The following COL15A1 variants were observed in gnomAD, a reference collection of about 807,000 sequenced individuals.
The protein encoded by COL15A1 is collagen alpha-1(XV) chain.
Under a neutral mutation model 165.9 loss-of-function variants are expected in COL15A1, and 111 were observed. The ratio of observed to expected loss-of-function variants is 0.67; its 90% CI spans 0.57 to 0.78. The LOEUF (loss-of-function observed/expected upper bound fraction) is 0.78. Among genes scored for constraint, COL15A1 ranks in the 30% least tolerant of loss-of-function variants. COL15A1 has a pLI of 0.00. For missense variants in COL15A1, 1,745 were observed against 1,789.7 expected (o/e 0.98, Z 0.45); for synonymous variants, 659 against 674.8 (o/e 0.98, Z 0.36).
chr9:99,020,653 C>T lies in COL15A1; in HGVS notation c.1701+211C>T, dbSNP rs372683015. 3.3e-5 allele frequency among the ~76,000 whole-genome samples: 5 copies of T among 152,320 alleles called. No homozygotes were observed. In the East Asian group the frequency reaches 7.7e-4, roughly 24 times the overall value. ...GAGTCTCTTCTCACCACCTGGTGAC[C>T]GTGGCCAAGTCCCTTGACCTCCGTG... is the stretch of plus-strand genomic sequence containing the variant. On this transcript the variant is annotated intron_variant, in intron 12 of 41. Transcript: ENST00000375001.
intron 16 of COL15A1, 131 bp from the exon 17 acceptor site, chr9:99,034,418 C>A (rs1839259680): frequency 3.6e-6 from 5 of 1,407,696 alleles, no homozygotes; most frequent in Non-Finnish European, 3.8e-6. Flanking sequence ...TTTGGAGACA[C>A]CAATCTGAGA....
intron 16 of COL15A1, among the ~76,000 whole-genome samples, chr9:99,033,885 C>G (rs533122058): frequency 6.6e-6 from 1 of 152,144 alleles, no homozygotes; most frequent in African/African-American, 2.4e-5. Flanking sequence ...GTCCTCATTG[C>G]TGACCACTCC....
At chr9:98,978,006 G>T (rs1415462494) in intron 2 of COL15A1, among the ~76,000 whole-genome samples, 2 of 152,200 alleles carry the variant, frequency 1.3e-5, no homozygotes, top group Admixed American at 1.3e-4. Context: ...GACCTGGAGT[G>T]GTCGGGGCTG....
chr9:99,068,540 A>G lies in COL15A1; in HGVS notation c.3838-15A>G, dbSNP rs1438487087. 4.9e-6 allele frequency: 6 copies of G among 1,227,216 alleles called. 1 individual carries two copies. Among genetic ancestry groups the G allele is most frequent in the Non-Finnish European group, 6.7e-6 (6 of 896,210 alleles). 76.0% of individuals were successfully genotyped at this position (1,227,216 alleles called of 1,614,324 possible). ...GATGGTATAATGATTCTAATGTGGT[A>G]TTTTGTCTCTATAGGGCCAAGTACT... On this transcript the variant is annotated splice_polypyrimidine_tract_variant and intron_variant, in intron 40 of 41. Transcript: ENST00000375001.
chr9:99,050,250 G>A (rs1406783285), intron 30 of COL15A1, among the ~76,000 whole-genome samples: 1 of 152,200 alleles, frequency 6.6e-6, no homozygotes, highest in East Asian at 1.9e-4. Context: ...GCCAACCCAT[G>A]ATCTTTGCAT....
chr9:99,050,017 C>A (rs1839559544), intron 30 of COL15A1, 122 bp downstream of exon 30: 2 of 1,371,654 alleles, frequency 1.5e-6, no homozygotes, highest in East Asian at 2.3e-5. Flanking sequence ...TCTTCTGTCC[C>A]CTAAGTGTAG....
At chr9:99,005,193 T>A (rs1838738174) in intron 9 of COL15A1, 143 bp downstream of exon 9, 1 of 873,324 alleles carries the variant, frequency 1.1e-6, no homozygotes, top group African/African-American at 1.7e-5. Flanking sequence ...GGGGGTGGAG[T>A]TTGCCAAGGC....
intron 6 of COL15A1, among the ~76,000 whole-genome samples, chr9:99,000,414 A>G (rs1008343871): frequency 1.3e-5 from 2 of 152,042 alleles, no homozygotes; most frequent in African/African-American, 2.4e-5. Context: ...ATGATACGAT[A>G]TCTATACTCA....
intron 6 of COL15A1, among the ~76,000 whole-genome samples, chr9:98,998,763 C>T (rs983214780): frequency 1.3e-5 from 2 of 152,208 alleles, no homozygotes; most frequent in Non-Finnish European, 2.9e-5. Context: ...GGGGACTGGG[C>T]TCTGATCCCA....
At chr9:98,999,500 C>T (rs1465890862) in intron 6 of COL15A1, among the ~76,000 whole-genome samples, 1 of 151,536 alleles carries the variant, frequency 6.6e-6, no homozygotes, top group Non-Finnish European at 1.5e-5. Context: ...CATGGTAGTA[C>T]AACTTCTTTT....
intron 2 of COL15A1, among the ~76,000 whole-genome samples, chr9:98,959,825 G>A (rs1837838625): frequency 6.6e-6 from 1 of 152,092 alleles, no homozygotes; most frequent in Non-Finnish European, 1.5e-5. Flanking sequence ...CACATCCCCT[G>A]TCAAAACGCT....
chr9:98,969,387 C>T (rs960851259), intron 2 of COL15A1, among the ~76,000 whole-genome samples: 11 of 152,224 alleles, frequency 7.2e-5, no homozygotes, highest in Admixed American at 6.5e-4. Flanking sequence ...GAAACTCTGG[C>T]TCAGAGAAGT....
At chr9:98,950,262 C>T (rs925729153) in intron 2 of COL15A1, among the ~76,000 whole-genome samples, 4 of 152,180 alleles carry the variant, frequency 2.6e-5, no homozygotes, top group Non-Finnish European at 5.9e-5. Context: ...AACCCCCAAA[C>T]TGTTTTCCAC....
chr9:99,021,403 T>A (rs1459305719), intron 12 of COL15A1, among the ~76,000 whole-genome samples: 2 of 152,192 alleles, frequency 1.3e-5, no homozygotes, highest in African/African-American at 4.8e-5. Context: ...TTGGGGACTT[T>A]ACTGTGGACA....
chr9:99,037,933 A>C (rs537584807), intron 21 of COL15A1, among the ~76,000 whole-genome samples: 59 of 152,272 alleles, frequency 3.9e-4, no homozygotes, highest in African/African-American at 1.3e-3. Flanking sequence ...GTGTGTGTAG[A>C]GAATGATGGA....
At chr9:99,022,533 C>T (rs961656978) in intron 13 of COL15A1, among the ~76,000 whole-genome samples, 31 of 152,136 alleles carry the variant, frequency 2.0e-4, no homozygotes, top group African/African-American at 7.0e-4. Flanking sequence ...GTCCCCATGT[C>T]CCCCTGAGTC....
At chr9:99,012,248 T>G (rs922582215) in intron 9 of COL15A1, among the ~76,000 whole-genome samples, 8 of 152,258 alleles carry the variant, frequency 5.3e-5, no homozygotes, top group African/African-American at 1.9e-4. Context: ...GAGTACTCTT[T>G]AAGCCATTGT....
At chr9:99,061,840 G>A in intron 36 of COL15A1, 131 bp from the exon 37 acceptor site, 2 of 900,080 alleles carry the variant, frequency 2.2e-6, no homozygotes, top group Non-Finnish European at 3.4e-6. Context: ...CCTCTATCTG[G>A]CACATTAACA....
intron 35 of COL15A1, among the ~76,000 whole-genome samples, chr9:99,058,311 A>C (rs140918762): frequency 1.7e-4 from 26 of 152,362 alleles, no homozygotes; most frequent in Admixed American, 1.7e-3. Flanking sequence ...ACCTATGACC[A>C]GGAGGTCGGA....
Sources: allele counts gnomAD v4.1 joint callset (sites outside exome capture counted in the v4.1 genomes callset), GRCh38; gene constraint gnomAD v4.1.1; transcripts MANE v1.5; gene names NCBI Gene and HGNC (gene_info 2026-07-23, HGNC 2026-07-21).